The following TRPM3 variants were observed in gnomAD, a reference collection of about 807,000 sequenced individuals.
TRPM3 encodes the protein transient receptor potential cation channel subfamily M member 3.
Under a neutral mutation model 181.2 loss-of-function variants are expected in TRPM3, and 77 were observed. The ratio of observed to expected loss-of-function variants is 0.42; its 90% confidence interval spans 0.35 to 0.51. TRPM3 has a LOEUF of 0.51. TRPM3 is among the 20% of genes least tolerant of loss of function. The pLI is 0.01. For synonymous variants in TRPM3, 745 were observed against 796.4 expected (o/e 0.94, Z 1.09); for missense variants, 1,759 against 2,196.7 (o/e 0.80, Z 3.98).
intron 1 of TRPM3, among the ~76,000 whole-genome samples, chr9:71,265,309 C>T (rs1002703251): frequency 4.5e-4 from 69 of 152,238 alleles, no homozygotes; most frequent in African/African-American, 1.5e-3. Context: ...ATATAAGTTA[C>T]CTTTCCGACA....
chr9:71,032,022 TATATAATATAAATATATA>T (rs1565022897), intron 1 of TRPM3, among the ~76,000 whole-genome samples: 35 of 604 alleles, frequency 0.058, 5 homozygotes, highest in East Asian at 0.3. Flanking sequence ...ATAATATATA[TATATAATATAAATATATA>T]TATATATATT....
chr9:71,053,092 G>GACAAAAAAAA (rs2060245418), intron 1 of TRPM3, among the ~76,000 whole-genome samples: 1 of 62,456 alleles, frequency 1.6e-5, no homozygotes, highest in African/African-American at 6.2e-5. Flanking sequence ...CCATCCTAAG[G>GACAAAAAAAA]AAAAAAAAAA....
rs1565419214 is a variant in TRPM3 at position 71,282,416 on chromosome 9, GA to G, written c.183+164236del. 6.1e-5 allele frequency among the ~76,000 whole-genome samples: 6 copies of G among 98,422 alleles called. No homozygotes were observed. In the East Asian group the frequency reaches 1.8e-3, roughly 30 times the overall value. 64.6% of individuals were successfully genotyped at this position (98,422 alleles called of 152,430 possible). A position where few individuals can be genotyped will look rare whatever the true frequency, so the allele number is the denominator to read the frequency against. On this transcript the variant is annotated intron_variant, in intron 1 of 24. Transcript: ENST00000357533. ...AGAAAGAAAGGAAAAGAAAGAAAAA[GA>G]AAAAGAAAGAAAAAAAGAAAGAGAA...
At chr9:70,655,513 G>GT (rs1299882831) in intron 9 of TRPM3, among the ~76,000 whole-genome samples, 4 of 151,942 alleles carry the variant, frequency 2.6e-5, no homozygotes, top group African/African-American at 4.8e-5. Context: ...GCTCCAACAG[G>GT]TTTTTTGTTT....
At chr9:70,786,889 G>T (rs533946326) in intron 6 of TRPM3, among the ~76,000 whole-genome samples, 1 of 152,194 alleles carries the variant, frequency 6.6e-6, no homozygotes, top group Admixed American at 6.5e-5. Context: ...GATTCTGTCG[G>T]TGGAATCTTT....
chr9:71,183,101 AG>A (rs1310573317), intron 1 of TRPM3, among the ~76,000 whole-genome samples: 7 of 152,204 alleles, frequency 4.6e-5, no homozygotes, highest in Admixed American at 3.3e-4. Flanking sequence ...GTAAATAGTC[AG>A]GGCTTTTTGT....
rs201840282 is a variant in TRPM3 at position 70,915,507 on chromosome 9, G to C, written c.178-50996C>G. The stretch of plus-strand genomic sequence containing the variant: ...TTTTTAGTAGAGACGGGGTTTCACC[G>C]TGTTAGCCAGGATGGTCTTGATCTC... On this transcript the variant is annotated intron_variant, in intron 1 of 25. Transcript: ENST00000677713. Among the ~76,000 whole-genome samples, 9 of 150,050 alleles carry C rather than the reference G, an allele frequency of 6.0e-5. No individual in the cohort carries two copies. In the South Asian group the frequency reaches 6.4e-4, roughly 11 times the overall value.
chr9:71,351,915 G>T (rs540246936), intron 1 of TRPM3, among the ~76,000 whole-genome samples: 1 of 142,792 alleles, frequency 7.0e-6, no homozygotes, highest in African/African-American at 2.6e-5. Context: ...TTGCTCTGTC[G>T]CCCAGGCTGG....
At chr9:71,322,119 G>C (rs1245307613) in intron 1 of TRPM3, among the ~76,000 whole-genome samples, 1 of 152,088 alleles carries the variant, frequency 6.6e-6, no homozygotes, top group African/African-American at 2.4e-5. Flanking sequence ...TGGTTGTATA[G>C]ACAACTTGGA....
chr9:70,758,910 C>A (rs992770120), intron 8 of TRPM3, among the ~76,000 whole-genome samples: 12 of 152,186 alleles, frequency 7.9e-5, no homozygotes. Flanking sequence ...CCATTCAGGA[C>A]ATAGGCATGG....
At position 71,351,876 on chromosome 9, in the gene TRPM3, GTTTT is replaced by G. The variant is rs55844483; in HGVS notation, c.183+94773_183+94776del. 6.8e-4 allele frequency among the ~76,000 whole-genome samples: 97 copies of G among 141,680 alleles called. 1 individual carries two copies. The East Asian group carries it at 8.2e-3, about 12-fold the overall frequency. 92.9% of individuals were successfully genotyped at this position (141,680 alleles called of 152,430 possible). A position where few individuals can be genotyped will look rare whatever the true frequency, so the allele number is the denominator to read the frequency against. On this transcript the variant is annotated intron_variant, in intron 1 of 24. Transcript: ENST00000357533. Reference sequence around the variant, plus strand: ...AGTTTTTGTTTGTTTGTTTGTTTTTGTTTTTTTTTTTTTTTTTGAGACTGAGTCT... The same window carrying G: ...AGTTTTTGTTTGTTTGTTTGTTTTTGTTTTTTTTTTTTTGAGACTGAGTCT...
intron 1 of TRPM3, among the ~76,000 whole-genome samples, chr9:71,306,591 A>T (rs1447623968): frequency 6.6e-6 from 1 of 152,156 alleles, no homozygotes; most frequent in African/African-American, 2.4e-5. Flanking sequence ...TATGATTTTT[A>T]AAAACCAGGC....
intron 8 of TRPM3, among the ~76,000 whole-genome samples, chr9:70,745,539 C>A (rs1293774539): frequency 1.3e-5 from 2 of 152,084 alleles, no homozygotes; most frequent in Non-Finnish European, 2.9e-5. Flanking sequence ...AGTTTTGGTA[C>A]AATTCAGTAT....
intron 1 of TRPM3, among the ~76,000 whole-genome samples, chr9:71,222,094 A>G (rs2080277303): frequency 6.6e-6 from 1 of 152,192 alleles, no homozygotes; most frequent in East Asian, 1.9e-4. Context: ...TGCCTTTAGG[A>G]TGTGCTTTCA....
intron 9 of TRPM3, among the ~76,000 whole-genome samples, chr9:70,658,287 T>C (rs2060644454): frequency 6.6e-6 from 1 of 152,176 alleles, no homozygotes; most frequent in Non-Finnish European, 1.5e-5. Flanking sequence ...TGACCTGTGA[T>C]ATCAAGTGTT....
chr9:71,126,130 A>T (rs114388287), upstream of TRPM3, among the ~76,000 whole-genome samples: 1,020 of 152,344 alleles, frequency 6.7e-3, 15 homozygotes, highest in African/African-American at 0.023. Flanking sequence ...AAAGCTCAAC[A>T]TCACTGAATA....
In TRPM3 at chr9:71,121,321, C is replaced by T. The variant is rs201943620; in HGVS notation, c.34G>A (p.Gly12Ser). 6.8e-6 allele frequency: 11 copies of T among 1,613,972 alleles called. No homozygotes were observed. The African/African-American group carries it at 8.0e-5, about 12-fold the overall frequency. Residue 12 changes from glycine (G) to serine (S), a missense_variant, in exon 1 of 26, where the codon GGC becomes AGC. By Grantham distance (56) the Gly-to-Ser change is moderately conservative (BLOSUM62 0). Coordinates refer to ENST00000677713, the MANE Select transcript of TRPM3 (RefSeq NM_001366145.2). The stretch of plus-strand genomic sequence containing the variant: ...AAGAAACTGAAAACCTGAGCAATGC[C>T]TAGAAAATAAACGGTCCCCCACGGC... ...PEPWGTVYFL[G>S]IAQVFSFLFS...
intron 1 of TRPM3, among the ~76,000 whole-genome samples, chr9:71,065,759 A>G (rs543033385): frequency 4.1e-4 from 62 of 152,302 alleles, no homozygotes; most frequent in Non-Finnish European, 7.8e-4. Flanking sequence ...CATTTTATAC[A>G]CAAGAACACA....
At chr9:71,352,800 A>C (rs2091713764) in intron 1 of TRPM3, among the ~76,000 whole-genome samples, 1 of 152,128 alleles carries the variant, frequency 6.6e-6, no homozygotes, top group Non-Finnish European at 1.5e-5. Flanking sequence ...AGGCACCACC[A>C]AAACCAAAGT....
Sources: allele counts gnomAD v4.1 joint callset (sites outside exome capture counted in the v4.1 genomes callset), GRCh38; gene constraint gnomAD v4.1.1; transcripts MANE v1.5; gene names NCBI Gene and HGNC (gene_info 2026-07-23, HGNC 2026-07-21).